The following RAB28 variants were observed in gnomAD, a reference collection of about 807,000 sequenced individuals.
RAB28 encodes the protein RAB28, member RAS oncogene family, also known as ras-related protein Rab-28.
RAB28 carries 24 observed loss-of-function variants against 31.7 expected under a neutral mutation model. The observed-to-expected ratio is 0.76, with a 90% CI of 0.55 to 1.06. The LOEUF is 1.06. Among genes scored for constraint, RAB28 ranks in the 50% least tolerant of loss-of-function variants. The pLI, the probability that RAB28 is intolerant of heterozygous loss-of-function variation, is 0.00. For synonymous variants in RAB28, 100 were observed against 90.4 expected, an observed-to-expected ratio of 1.11 and a Z score of -0.60; for missense variants, 254 against 258.5, an observed-to-expected ratio of 0.98 and a Z score of 0.12.
At chr4:13,446,374 G>T (rs1049052776) in intron 4 of RAB28, among the ~76,000 whole-genome samples, 1 of 152,152 alleles carries the variant, frequency 6.6e-6, no homozygotes, top group Admixed American at 6.5e-5. Context: ...CAGGGGAGTG[G>T]ACAGTTTTCC....
chr4:13,463,971 T>C (rs1715720351), intron 3 of RAB28, among the ~76,000 whole-genome samples: 1 of 152,100 alleles, frequency 6.6e-6, no homozygotes, highest in Non-Finnish European at 1.5e-5. Context: ...TGACTTTTCT[T>C]GGACTGATCA....
At chr4:13,434,323 T>C (rs1202411887) in intron 4 of RAB28, among the ~76,000 whole-genome samples, 1 of 152,036 alleles carries the variant, frequency 6.6e-6, no homozygotes, top group Non-Finnish European at 1.5e-5. Flanking sequence ...AAAATAAAAG[T>C]TGGGACAACA....
intron 4 of RAB28, among the ~76,000 whole-genome samples, chr4:13,384,795 A>G (rs1729292447): frequency 6.6e-6 from 1 of 152,202 alleles, no homozygotes; most frequent in African/African-American, 2.4e-5. Context: ...AACAACTCAA[A>G]AAGCCAGAGT....
At chr4:13,381,908 G>A (rs759161203) in intron 4 of RAB28, among the ~76,000 whole-genome samples, 3 of 152,144 alleles carry the variant, frequency 2.0e-5, no homozygotes, top group Admixed American at 6.5e-5. Context: ...CAGGCACACT[G>A]ATGATGCTCA....
intron 4 of RAB28, among the ~76,000 whole-genome samples, chr4:13,417,802 G>A (rs1712882378): frequency 6.6e-6 from 1 of 152,144 alleles, no homozygotes; most frequent in East Asian, 1.9e-4. Flanking sequence ...GAAACCAGAG[G>A]AGAAAAGCTG....
At chr4:13,438,101 A>C (rs1714222372) in intron 4 of RAB28, among the ~76,000 whole-genome samples, 1 of 152,170 alleles carries the variant, frequency 6.6e-6, no homozygotes, top group African/African-American at 2.4e-5. Context: ...GAGAAAAATT[A>C]AAATATTAAG....
intron 4 of RAB28, among the ~76,000 whole-genome samples, chr4:13,438,942 A>C (rs952875072): frequency 6.6e-6 from 1 of 151,978 alleles, no homozygotes; most frequent in Non-Finnish European, 1.5e-5. Context: ...AGCACTTGTT[A>C]TTCTATTCTT....
intron 4 of RAB28, among the ~76,000 whole-genome samples, chr4:13,382,370 T>C (rs1328717350): frequency 6.6e-6 from 1 of 152,012 alleles, no homozygotes; most frequent in Non-Finnish European, 1.5e-5. Context: ...CGTCAAATTA[T>C]AAGGCAAATA....
intron 4 of RAB28, among the ~76,000 whole-genome samples, chr4:13,440,646 T>A (rs938293177): frequency 2.0e-5 from 3 of 152,134 alleles, no homozygotes; most frequent in African/African-American, 7.2e-5. Flanking sequence ...TGAGATTTAT[T>A]TATAACATCA....
intron 4 of RAB28, among the ~76,000 whole-genome samples, chr4:13,438,536 C>T (rs1714252831): frequency 6.6e-6 from 1 of 152,116 alleles, no homozygotes; most frequent in African/African-American, 2.4e-5. Context: ...ACATGGGTGG[C>T]CTTTTCTACC....
intron 5 of RAB28, among the ~76,000 whole-genome samples, chr4:13,379,108 G>A (rs1054110414): frequency 7.3e-5 from 11 of 150,928 alleles, no homozygotes. Context: ...TCGGGAGGCT[G>A]AGGCGGAGAA....
At chr4:13,450,204 C>A (rs115105144) in intron 4 of RAB28, among the ~76,000 whole-genome samples, 1 of 151,618 alleles carries the variant, frequency 6.6e-6, no homozygotes, top group Non-Finnish European at 1.5e-5. Flanking sequence ...AATAAAAAGT[C>A]AAAAGCTTAG....
intron 4 of RAB28, among the ~76,000 whole-genome samples, chr4:13,421,609 A>G (rs76697279): frequency 1.3e-5 from 2 of 152,182 alleles, no homozygotes; most frequent in Non-Finnish European, 2.9e-5. Flanking sequence ...CACATCTACA[A>G]CCATCTGATC....
chr4:13,372,935 T>A (rs573989869), intron 6 of RAB28, among the ~76,000 whole-genome samples: 1 of 151,960 alleles, frequency 6.6e-6, no homozygotes, highest in African/African-American at 2.4e-5. Flanking sequence ...ATAAGGAATA[T>A]ATATTTTTAG....
chr4:13,424,473 C>A (rs926119609), intron 4 of RAB28, among the ~76,000 whole-genome samples: 1 of 152,106 alleles, frequency 6.6e-6, no homozygotes, highest in African/African-American at 2.4e-5. Flanking sequence ...ATTTAGGGTC[C>A]ACCCTCATCA....
intron 4 of RAB28, among the ~76,000 whole-genome samples, chr4:13,409,144 G>T (rs1712274087): frequency 6.6e-6 from 1 of 152,070 alleles, no homozygotes; most frequent in African/African-American, 2.4e-5. Flanking sequence ...TAACCAGTAT[G>T]CCTACAAACA....
chr4:13,449,670 A>G (rs1421139396), intron 4 of RAB28, among the ~76,000 whole-genome samples: 1 of 151,908 alleles, frequency 6.6e-6, no homozygotes. Flanking sequence ...ATCTGTCATG[A>G]AGATTGTTTA....
At chr4:13,410,221 C>T (rs1712354275) in intron 4 of RAB28, among the ~76,000 whole-genome samples, 1 of 151,952 alleles carries the variant, frequency 6.6e-6, no homozygotes, top group Admixed American at 6.6e-5. Context: ...TTCTTTATAG[C>T]AGTGTAAGAA....
intron 5 of RAB28, among the ~76,000 whole-genome samples, chr4:13,380,266 G>C (rs1295133896): frequency 6.6e-6 from 1 of 151,998 alleles, no homozygotes; most frequent in South Asian, 2.1e-4. Flanking sequence ...TTTATTTTAG[G>C]TGTAAAACTA....
Sources: gnomAD v4.1 joint callset for allele counts (sites outside exome capture counted in the v4.1 genomes callset) on GRCh38, gnomAD v4.1.1 for gene constraint, MANE v1.5 for transcripts, NCBI Gene and HGNC (gene_info 2026-07-23, HGNC 2026-07-21) for gene names.